MNS1: variants seen among roughly 807,000 people sequenced by gnomAD.
The protein encoded by MNS1 is meiosis-specific nuclear structural protein 1.
MNS1 carries 63 observed loss-of-function variants against 72.0 expected under a neutral mutation model. The ratio of observed to expected loss-of-function variants is 0.87; its 90% confidence interval spans 0.71 to 1.08. MNS1 has a LOEUF of 1.08. MNS1 is among the 50% of genes least tolerant of loss of function. The pLI is 0.00. For missense variants in MNS1, 604 were observed against 562.4 expected, an observed-to-expected ratio of 1.07 and a Z score of -0.75; for synonymous variants, 188 against 172.1, an observed-to-expected ratio of 1.09 and a Z score of -0.72.
chr15:56,436,940 C>T (rs1425705642), intron 7 of MNS1, among the ~76,000 whole-genome samples: 2 of 152,084 alleles, frequency 1.3e-5, no homozygotes, highest in African/African-American at 4.8e-5. Flanking sequence ...ATAACAGGCT[C>T]TGAAATTGAG....
intron 3 of MNS1, among the ~76,000 whole-genome samples, chr15:56,454,331 AAG>A (rs1596267139): frequency 6.6e-6 from 1 of 151,586 alleles, no homozygotes; most frequent in East Asian, 1.9e-4. Context: ...CCATCCCCTC[AAG>A]CATTTATCAT....
chr15:56,457,000 T>C (rs556008530), intron 2 of MNS1, among the ~76,000 whole-genome samples: 2 of 152,338 alleles, frequency 1.3e-5, no homozygotes, highest in South Asian at 4.1e-4. Context: ...CATGTTCATA[T>C]TCAAGCTTTC....
chr15:56,460,081 G>C (rs1284290157), intron 2 of MNS1, among the ~76,000 whole-genome samples: 2 of 138,692 alleles, frequency 1.4e-5, no homozygotes, highest in Non-Finnish European at 3.1e-5. Flanking sequence ...CAGCCACTCA[G>C]GAAACACAAA....
rs368320054 is a variant in MNS1 at position 56,429,089 on chromosome 15, A to G, written c.*12T>C. 2.5e-4 allele frequency: 389 copies of G among 1,550,702 alleles called. No homozygotes were observed. Among genetic ancestry groups the G allele is most frequent in the Non-Finnish European group, 3.3e-4 (378 of 1,138,278 alleles). The stretch of plus-strand genomic sequence containing the variant: ...ATGCAAAAAATCTATGCTTTACCCA[A>G]TTTTGATGATATCATTTCTCTTCAC... On this transcript the variant is annotated 3_prime_UTR_variant, in exon 10 of 10. Transcript: ENST00000260453.
At chr15:56,429,247 A>G in intron 9 of MNS1, 54 bp from the exon 10 acceptor site, 1 of 1,183,956 alleles carries the variant, frequency 8.4e-7, no homozygotes, top group Non-Finnish European at 1.2e-6. Flanking sequence ...ATTTCACTAA[A>G]TGCTTTTAAG....
intron 7 of MNS1, among the ~76,000 whole-genome samples, chr15:56,438,532 A>G (rs1268165772): frequency 6.6e-6 from 1 of 152,206 alleles, no homozygotes; most frequent in African/African-American, 2.4e-5. Context: ...ACCTAAAACC[A>G]TAAAAACCCT....
chr15:56,454,883 A>G (rs1244931569), intron 3 of MNS1, among the ~76,000 whole-genome samples: 1 of 152,128 alleles, frequency 6.6e-6, no homozygotes, highest in Admixed American at 6.5e-5. Flanking sequence ...TCTGTGTCTA[A>G]TAAAATCTAA....
At chr15:56,452,129 G>C (rs1307932006) in intron 3 of MNS1, among the ~76,000 whole-genome samples, 20 of 152,116 alleles carry the variant, frequency 1.3e-4, no homozygotes, top group African/African-American at 3.6e-4. Context: ...TTCTGTGTTG[G>C]GGGTTCCCAA....
chr15:56,456,428 C>T lies in MNS1; in HGVS notation c.319G>A (p.Asp107Asn), dbSNP rs1419914783. ...CTTACTTGTTGCCTCATCTTTTCGT[C>T]CTTTAGACTTTCATGTTTCAGTTTT... is the stretch of plus-strand genomic sequence containing the variant. ...LAKLKHESLK[D>N]EKMRQQVREN... Residue 107 changes from aspartate (D) to asparagine (N), a missense_variant, in exon 3 of 10, where the codon GAC (aspartate) becomes AAC (asparagine). Asp to Asn is a conservative substitution (Grantham distance 23, BLOSUM62 1). Coordinates refer to ENST00000260453, the MANE Select transcript of MNS1 (RefSeq NM_018365.4). 1.2e-6 allele frequency: 2 copies of T among 1,611,448 alleles called. No individual in the cohort carries two copies. The highest frequency in any genetic ancestry group is 2.2e-5 in the East Asian group (1 of 44,642).
At chr15:56,461,706 G>T (rs1195854694) in intron 2 of MNS1, among the ~76,000 whole-genome samples, 1 of 148,598 alleles carries the variant, frequency 6.7e-6, no homozygotes, top group Admixed American at 6.7e-5. Context: ...ATATAAAAGG[G>T]CATCCATTGG....
At position 56,464,013 on chromosome 15, in the gene MNS1, TAGTAAA is replaced by T; in HGVS notation, c.225+7_225+12del. 3 of 1,589,826 alleles carry T rather than the reference TAGTAAA, an allele frequency of 1.9e-6. No individual in the cohort carries two copies. The highest frequency in any genetic ancestry group is 3.4e-4 in the Middle Eastern group (2 of 5,956). The stretch of plus-strand genomic sequence containing the variant: ...AAATGAAAAAAAAAGTAACAATGAA[TAGTAAA>T]ACTTACCTTTTGAATGGCCTCTTCC... On this transcript the variant is annotated splice_region_variant and intron_variant, in intron 2 of 9. Coordinates refer to ENST00000260453, the MANE Select transcript of MNS1 (RefSeq NM_018365.4).
chr15:56,461,975 GTTTTTT>G lies in MNS1; in HGVS notation c.225+2045_225+2050del, dbSNP rs56022687. On this transcript the variant is annotated intron_variant, in intron 2 of 9. Coordinates refer to ENST00000260453, the MANE Select transcript of MNS1 (RefSeq NM_018365.4). ...AATAACAAAGTGTTTTTTTGTTGTTGTTTTTTTTTTTTTTTTTTTTTTTTTTTTTTT... is the reference window on the plus strand; with the variant it reads ...AATAACAAAGTGTTTTTTTGTTGTTGTTTTTTTTTTTTTTTTTTTTTTTTT... Among the ~76,000 whole-genome samples, 209 of 97,904 alleles carry G rather than the reference GTTTTTT, an allele frequency of 2.1e-3. 3 individuals are homozygous for G. The highest frequency in any genetic ancestry group is 5.6e-3 in the Middle Eastern group (1 of 180). The allele number at this position is 97,904 out of a possible 152,430, so 64.2% of individuals were successfully genotyped here.
At chr15:56,442,828 C>T (rs1321129091) in intron 7 of MNS1, among the ~76,000 whole-genome samples, 1 of 152,014 alleles carries the variant, frequency 6.6e-6, no homozygotes, top group Admixed American at 6.6e-5. Context: ...TACACCAAAT[C>T]CCCATGACCC....
chr15:56,439,043 G>C (rs144840871), intron 7 of MNS1, among the ~76,000 whole-genome samples: 1 of 152,158 alleles, frequency 6.6e-6, no homozygotes, highest in East Asian at 1.9e-4. Flanking sequence ...AGACATGCCT[G>C]ACTATGTAGG....
At chr15:56,435,006 T>C (rs2050696203) in intron 7 of MNS1, among the ~76,000 whole-genome samples, 1 of 152,114 alleles carries the variant, frequency 6.6e-6, no homozygotes, top group South Asian at 2.1e-4. Context: ...AAAAATTTCA[T>C]ACATACTAAA....
rs55885249 is a variant in MNS1 at position 56,432,542 on chromosome 15, C to T, written c.1270-1044G>A. On this transcript the variant is annotated intron_variant, in intron 8 of 9. Transcript: ENST00000260453. The stretch of plus-strand genomic sequence containing the variant: ...AGAACAAAAATGTTGCCCAATCAAA[C>T]GGACAAAACTAAGCCGACAGCTTCA... Among the ~76,000 whole-genome samples, 677 of 152,186 alleles carry T rather than the reference C, an allele frequency of 4.4e-3. 13 individuals are homozygous for T. Among genetic ancestry groups the T allele is most frequent in the African/African-American group, 0.016 (659 of 41,544 alleles).
chr15:56,463,966 C>T (rs1056209076), intron 2 of MNS1, 60 bp downstream of exon 2: 9 of 1,364,598 alleles, frequency 6.6e-6, no homozygotes, highest in Non-Finnish European at 9.1e-6. Flanking sequence ...TAACAGCTGA[C>T]TTTCATCGTT....
Position 56,443,687 on chromosome 15 carries a change from A to G in MNS1, c.854T>C (p.Met285Thr). 1 of 1,613,378 alleles carries G rather than the reference A, an allele frequency of 6.2e-7. No individual in the cohort carries two copies. Among genetic ancestry groups the G allele is most frequent in the South Asian group, 1.1e-5 (1 of 90,960 alleles). ...NMQQQREEDR[M>T]AKVQENEEKR... ...CTCCTCATTTTCTTGAACTTTTGCC[A>G]TCCGATCTTCTTCTCTTTGCTGCTG... is the stretch of plus-strand genomic sequence containing the variant. Residue 285 changes from methionine (M) to threonine (T), a missense_variant, in exon 6 of 10, where the codon ATG becomes ACG. Coordinates refer to ENST00000260453, the MANE Select transcript of MNS1 (RefSeq NM_018365.4).
At chr15:56,441,860 AAAG>A (rs2050819881) in intron 7 of MNS1, among the ~76,000 whole-genome samples, 1 of 151,796 alleles carries the variant, frequency 6.6e-6, no homozygotes, top group African/African-American at 2.4e-5. Context: ...TAAAAATACA[AAAG>A]AAAAAAATTA....
Sources: gnomAD v4.1 joint callset for allele counts (sites outside exome capture counted in the v4.1 genomes callset) on GRCh38, gnomAD v4.1.1 for gene constraint, MANE v1.5 for transcripts, NCBI Gene and HGNC (gene_info 2026-07-23, HGNC 2026-07-21) for gene names.